The following ZNF205 variants were observed in gnomAD, a reference collection of about 807,000 sequenced individuals.
ZNF205 encodes zinc finger protein 205.
Under a neutral mutation model 53.6 loss-of-function variants are expected in ZNF205, and 32 were observed. The observed-to-expected ratio is 0.60, with a 90% CI of 0.45 to 0.80. The LOEUF is 0.80. ZNF205 is among the 30% of genes least tolerant of loss of function. The pLI is 0.00. For missense variants in ZNF205, 836 were observed against 782.4 expected, an observed-to-expected ratio of 1.07 and a Z score of -0.82; for synonymous variants, 382 against 334.3, an observed-to-expected ratio of 1.14 and a Z score of -1.56.
rs1023709887 is a variant in ZNF205, at chr16:3,120,090, A to G, written c.1430A>G (p.His477Arg). The change falls in exon 7 of 7, where the codon CAC becomes CGC. Residue 477 changes from histidine (H) to arginine (R), a missense_variant. Transcript: ENST00000219091. ...NRTHTGEKPY[H>R]CLDCGKSFSH... is the part of the protein sequence containing the mutation. ...ACACACACAGGCGAGAAGCCCTACC[A>G]CTGCCTCGACTGCGGCAAGAGCTTC... The G allele has an allele frequency of 4.3e-6, 7 of 1,610,756 alleles. No homozygotes were observed. Among genetic ancestry groups the G allele is most frequent in the South Asian group, 1.1e-5 (1 of 90,776 alleles).
At position 3,116,486 on chromosome 16, in the gene ZNF205, G is replaced by A. The variant is rs747945251; in HGVS notation, c.423G>A (p.Leu141=). 4 of 1,614,030 alleles carry A rather than the reference G, an allele frequency of 2.5e-6. No homozygotes were observed. The African/African-American group carries it at 5.3e-5, about 22-fold the overall frequency. ...TCTCCCGGGAGGAGTGGGGACGGCT[G>A]GACCACACGCAGCAGAACTTCTACA... is the stretch of plus-strand genomic sequence containing the variant. ...LYLSREEWGR[L]DHTQQNFYRD... The change falls in exon 5 of 7, where the codon CTG becomes CTA. Residue 141 remains leucine (L), a synonymous_variant. Transcript: ENST00000219091.
intron 5 of ZNF205, among the ~76,000 whole-genome samples, chr16:3,117,607 C>A (rs1957362510): frequency 1.3e-5 from 2 of 151,584 alleles, no homozygotes; most frequent in South Asian, 4.2e-4. Flanking sequence ...CCATGCCCAG[C>A]TATTTTTTTC....
chr16:3,120,412 G>A lies in ZNF205; in HGVS notation c.*87G>A, dbSNP rs1567179434. 9.3e-6 allele frequency: 13 copies of A among 1,396,662 alleles called. No individual in the cohort carries two copies. The East Asian group carries it at 1.0e-4, about 11-fold the overall frequency. 86.5% of individuals were successfully genotyped at this position (1,396,662 alleles called of 1,614,324 possible). A position where few individuals can be genotyped will look rare whatever the true frequency, so the allele number is the denominator to read the frequency against. ...GCTCCGAGGGAGGAGAGAGGGGCTC[G>A]GGAAGGGAGCTGGGGCGGTGAGGGC... is the stretch of plus-strand genomic sequence containing the variant. On this transcript the variant is annotated 3_prime_UTR_variant, in exon 7 of 7. Transcript: ENST00000219091.
At chr16:3,119,126 TGCGCCCAG>T (rs2151231645) in intron 6 of ZNF205, 111 bp downstream of exon 6, 1 of 1,503,644 alleles carries the variant, frequency 6.7e-7, no homozygotes, top group East Asian at 2.3e-5. Context: ...CTGGGCGGTT[TGCGCCCAG>T]GGCGGCCCTT....
chr16:3,115,759 G>A (rs762589084), intron 3 of ZNF205, 70 bp from the exon 4 acceptor site: 77 of 1,505,086 alleles, frequency 5.1e-5, no homozygotes, highest in Non-Finnish European at 6.6e-5. Flanking sequence ...GGTGGAGTTT[G>A]AGGCAGCTGA....
rs770980276 is a variant in ZNF205 at position 3,113,423 on chromosome 16, A to G, written c.-8A>G. 1.2e-6 allele frequency: 2 copies of G among 1,613,202 alleles called. No individual in the cohort carries two copies. Among genetic ancestry groups the G allele is most frequent in the Non-Finnish European group, 1.7e-6 (2 of 1,179,612 alleles). On this transcript the variant is annotated 5_prime_UTR_variant, in exon 2 of 7. Coordinates refer to ENST00000219091, the MANE Select transcript of ZNF205 (RefSeq NM_001042428.2). Reference sequence around the variant, plus strand: ...ACTCAGCTGTTCTTTCTAGCTCTGAAATAGAAAATGTCTGCAGACGGCGGA... The same window carrying G: ...ACTCAGCTGTTCTTTCTAGCTCTGAGATAGAAAATGTCTGCAGACGGCGGA...
rs889946134 is a variant in ZNF205 at position 3,112,641 on chromosome 16, G to T, written c.-56G>T. On this transcript the variant is annotated 5_prime_UTR_variant, in exon 1 of 7. Transcript: ENST00000219091. ...TGTGGAGACTCCCTTCCCGGGGGAG[G>T]GGGCCCCCACTGCCGCAGGTGCCCC... 4.2e-5 allele frequency: 13 copies of T among 306,780 alleles called. No individual in the cohort carries two copies. Among genetic ancestry groups the T allele is most frequent in the African/African-American group, 2.4e-4 (11 of 46,044 alleles). 19.0% of individuals were successfully genotyped at this position (306,780 alleles called of 1,614,324 possible).
In ZNF205 at chr16:3,119,505, C is replaced by G; in HGVS notation, c.845C>G (p.Pro282Arg). The change falls in exon 7 of 7, where the codon CCC becomes CGC. Residue 282 changes from proline (P) to arginine (R), a missense_variant. Physicochemically the swap from Pro to Arg is moderately radical, Grantham distance 103. Transcript: ENST00000219091. ...CAGGAGTACCGCGTCCCGGAGAAGCCCAACGAGGAGGAGAAGGGCGCCCCG... is the reference window on the plus strand; with the variant it reads ...CAGGAGTACCGCGTCCCGGAGAAGCGCAACGAGGAGGAGAAGGGCGCCCCG... ...EPQEYRVPEK[P>R]NEEEKGAPES... The G allele has an allele frequency of 6.3e-7, 1 of 1,597,910 alleles. No homozygotes were observed. Among genetic ancestry groups the G allele is most frequent in the Non-Finnish European group, 8.5e-7 (1 of 1,173,204 alleles).
In ZNF205 at chr16:3,116,581, T is replaced by C. The variant is rs780877001; in HGVS notation, c.484+34T>C. The C allele has an allele frequency of 2.5e-6, 4 of 1,605,664 alleles. No homozygotes were observed. The South Asian group carries it at 4.4e-5, about 18-fold the overall frequency. On this transcript the variant is annotated intron_variant, in intron 5 of 6. Transcript: ENST00000219091. ...TCGCCTGGAGGGGGGACTGGGGTGT[T>C]AGGGAGAGGTCCTGCTCTGCCGTCT...
In ZNF205 at chr16:3,120,208, C is replaced by T. The variant is rs766310539; in HGVS notation, c.1548C>T (p.Arg516=). Residue 516 remains arginine, a synonymous_variant, in exon 7 of 7, where the codon CGC becomes CGT. Transcript: ENST00000219091. ...TGTGCGGCAAGAGCTTCAGCCGGCGCTCCAACCTGCACCGGCACGAGAAGA... is the reference window on the plus strand; with the variant it reads ...TGTGCGGCAAGAGCTTCAGCCGGCGTTCCAACCTGCACCGGCACGAGAAGA... ...CPLCGKSFSR[R]SNLHRHEKIH... is the part of the protein sequence containing the mutation. The T allele has an allele frequency of 3.7e-6, 6 of 1,611,518 alleles. No homozygotes were observed. In the African/African-American group the frequency reaches 4.0e-5, roughly 11 times the overall value.
chr16:3,119,886 C>G lies in ZNF205; in HGVS notation c.1226C>G (p.Thr409Ser). 1.9e-6 allele frequency: 3 copies of G among 1,613,582 alleles called. No individual in the cohort carries two copies. Among genetic ancestry groups the G allele is most frequent in the South Asian group, 2.2e-5 (2 of 91,074 alleles). The change falls in exon 7 of 7, where the codon ACC becomes AGC. Residue 409 changes from threonine to serine, a missense_variant. Thr to Ser is a moderately conservative substitution (Grantham distance 58). Coordinates refer to ENST00000219091, the MANE Select transcript of ZNF205 (RefSeq NM_001042428.2). ...TTCACCCGCCGCTCGGACTTGGTCACCCACCAGGGCACCCACACGGGCGCC... is the reference window on the plus strand; with the variant it reads ...TTCACCCGCCGCTCGGACTTGGTCAGCCACCAGGGCACCCACACGGGCGCC... ...KRFTRRSDLV[T>S]HQGTHTGAKP...
At position 3,119,442 on chromosome 16, in the gene ZNF205, C is replaced by A; in HGVS notation, c.782C>A (p.Pro261Gln). The part of the protein sequence containing the change: ...SGQPAEPDRT[P>Q]DAAPPDPSPT... ...CAGCCGGCTGAGCCAGATCGCACCC[C>A]GGATGCAGCTCCGCCAGACCCCAGT... Residue 261 changes from proline to glutamine, a missense_variant, in exon 7 of 7, where the codon CCG becomes CAG. Coordinates refer to ENST00000219091, the MANE Select transcript of ZNF205 (RefSeq NM_001042428.2). 1 of 1,594,540 alleles carries A rather than the reference C, an allele frequency of 6.3e-7. No individual in the cohort carries two copies. Among genetic ancestry groups the A allele is most frequent in the East Asian group, 2.3e-5 (1 of 43,736 alleles).
Position 3,116,478 on chromosome 16 carries a change from G to A in ZNF205, c.415G>A (p.Gly139Arg), listed in dbSNP as rs1352474214. Residue 139 changes from glycine to arginine, a missense_variant, in exon 5 of 7, where the codon GGA becomes AGA. Transcript: ENST00000219091. ...VALYLSREEWGRLDHTQQNFY... is the reference protein window; with the variant it reads ...VALYLSREEWRRLDHTQQNFY... Reference sequence around the variant, plus strand: ...CTTGTACCTCTCCCGGGAGGAGTGGGGACGGCTGGACCACACGCAGCAGAA... The same window carrying A: ...CTTGTACCTCTCCCGGGAGGAGTGGAGACGGCTGGACCACACGCAGCAGAA... The A allele has an allele frequency of 6.2e-7, 1 of 1,614,108 alleles. No individual in the cohort carries two copies. The highest frequency in any genetic ancestry group is 1.7e-5 in the Admixed American group (1 of 60,018).
At chr16:3,116,164 C>T (rs891510358) in intron 4 of ZNF205, 2 of 649,156 alleles carry the variant, frequency 3.1e-6, no homozygotes, top group Non-Finnish European at 5.2e-6. Context: ...AACCGTCCTC[C>T]GAGGTCTCAG....
At position 3,119,893 on chromosome 16, in the gene ZNF205, G is replaced by T; in HGVS notation, c.1233G>T (p.Gln411His). 6.2e-7 allele frequency: 1 copy of T among 1,613,614 alleles called. No individual in the cohort carries two copies. The highest frequency in any genetic ancestry group is 8.5e-7 in the Non-Finnish European group (1 of 1,179,910). ...FTRRSDLVTH[Q>H]GTHTGAKPHK... is the part of the protein sequence containing the mutation. ...GCCGCTCGGACTTGGTCACCCACCA[G>T]GGCACCCACACGGGCGCCAAGCCGC... Residue 411 changes from glutamine to histidine, a missense_variant, in exon 7 of 7, where the codon CAG becomes CAT. Gln to His is a conservative substitution (Grantham distance 24). Transcript: ENST00000219091.
At chr16:3,118,142 C>A (rs1482375674) in intron 5 of ZNF205, among the ~76,000 whole-genome samples, 1 of 151,456 alleles carries the variant, frequency 6.6e-6, no homozygotes, top group Non-Finnish European at 1.5e-5. Context: ...AGGCATGAGC[C>A]ACTGCGCCTG....
At chr16:3,114,472 C>T (rs1957312891) in intron 2 of ZNF205, among the ~76,000 whole-genome samples, 1 of 152,154 alleles carries the variant, frequency 6.6e-6, no homozygotes, top group African/African-American at 2.4e-5. Context: ...CCCTTCAAGA[C>T]CCAAACACAG....
At chr16:3,115,078 T>C (rs139312959) in intron 2 of ZNF205, 1 of 305,396 alleles carries the variant, frequency 3.3e-6, no homozygotes, top group African/African-American at 2.1e-5. Flanking sequence ...CATACACTAA[T>C]AGACAGCAGT....
Position 3,115,275 on chromosome 16 carries a change from G to A in ZNF205, c.58-80G>A, listed in dbSNP as rs115194140. Reference sequence around the variant, plus strand: ...AGCTGCGTCTTGCATGTTGGTTTCCGACGCTGCCGGAGCGCACTGCCATGT... The same window carrying A: ...AGCTGCGTCTTGCATGTTGGTTTCCAACGCTGCCGGAGCGCACTGCCATGT... On this transcript the variant is annotated intron_variant, in intron 2 of 6. Transcript: ENST00000219091. 4.8e-3 allele frequency: 5,723 copies of A among 1,182,096 alleles called. 246 individuals are homozygous for A. The African/African-American group carries it at 0.08, about 17-fold the overall frequency. 73.2% of individuals were successfully genotyped at this position (1,182,096 alleles called of 1,614,324 possible).
Sources: gnomAD v4.1 joint callset for allele counts (sites outside exome capture counted in the v4.1 genomes callset) on GRCh38, gnomAD v4.1.1 for gene constraint, MANE v1.5 for transcripts, NCBI Gene and HGNC (gene_info 2026-07-23, HGNC 2026-07-21) for gene names.